The following LRBA variants were observed in gnomAD, a reference collection of about 807,000 sequenced individuals.
The protein encoded by LRBA is lipopolysaccharide-responsive and beige-like anchor protein.
In LRBA, 176 loss-of-function variants were observed where a neutral mutation model predicts 330.0. That is an observed-to-expected ratio of 0.53 (90% CI 0.47 to 0.60). The LOEUF is 0.60. LRBA is among the 20% of genes least tolerant of loss of function. The pLI, the probability that LRBA is intolerant of heterozygous loss-of-function variation, is 0.00. For synonymous variants in LRBA, 1,230 were observed against 1,193.0 expected (o/e 1.03, Z -0.64); for missense variants, 3,259 against 3,444.8 (o/e 0.95, Z 1.35).
chr4:150,859,339 T>C (rs1751612552), intron 22 of LRBA, among the ~76,000 whole-genome samples: 1 of 152,220 alleles, frequency 6.6e-6, no homozygotes, highest in Non-Finnish European at 1.5e-5. Context: ...AGAATGTGTT[T>C]ACAAAATTCT....
chr4:150,642,155 C>T (rs1475797135), intron 37 of LRBA, among the ~76,000 whole-genome samples: 2 of 151,848 alleles, frequency 1.3e-5, no homozygotes, highest in African/African-American at 4.8e-5. Flanking sequence ...ACTTTTGCAT[C>T]AAGACACACC....
At chr4:150,665,085 G>T (rs2126841395) in intron 37 of LRBA, among the ~76,000 whole-genome samples, 1 of 152,150 alleles carries the variant, frequency 6.6e-6, no homozygotes, top group Admixed American at 6.5e-5. Context: ...AGAGAAACCA[G>T]GTACAAGCTT....
intron 36 of LRBA, among the ~76,000 whole-genome samples, chr4:150,730,280 TAACTC>T (rs1447230443): frequency 1.3e-5 from 2 of 152,056 alleles, no homozygotes; most frequent in African/African-American, 4.8e-5. Flanking sequence ...AATATGTAAA[TAACTC>T]AAACAACTGT....
At chr4:150,717,055 T>C (rs1728293925) in intron 36 of LRBA, among the ~76,000 whole-genome samples, 1 of 152,170 alleles carries the variant, frequency 6.6e-6, no homozygotes, top group Non-Finnish European at 1.5e-5. Flanking sequence ...AGCAAAGAGA[T>C]CACCAGTTTA....
intron 37 of LRBA, among the ~76,000 whole-genome samples, chr4:150,639,552 G>T (rs13147825): frequency 0.73 from 93,128 of 127,684 alleles, 39,131 homozygotes; most frequent in Non-Finnish European, 0.91. Flanking sequence ...TGTCACAAAT[G>T]ACTGAGTGCT....
chr4:150,271,341 G>A (rs1029130028), intron 56 of LRBA, among the ~76,000 whole-genome samples: 1 of 151,558 alleles, frequency 6.6e-6, no homozygotes, highest in Non-Finnish European at 1.5e-5. Flanking sequence ...TACCCCAGTG[G>A]TGCCTGGAAT....
At chr4:150,393,398 C>T (rs1173957954) in intron 47 of LRBA, among the ~76,000 whole-genome samples, 1 of 151,702 alleles carries the variant, frequency 6.6e-6, no homozygotes. Flanking sequence ...CTTTCTCCCC[C>T]CCACCTCTAC....
intron 42 of LRBA, among the ~76,000 whole-genome samples, chr4:150,482,265 T>G (rs1757379087): frequency 6.6e-6 from 1 of 152,122 alleles, no homozygotes; most frequent in Non-Finnish European, 1.5e-5. Context: ...TTTTCCAGAA[T>G]GTCATATAAA....
intron 52 of LRBA, among the ~76,000 whole-genome samples, chr4:150,305,275 G>A (rs1252392290): frequency 6.6e-6 from 1 of 152,180 alleles, no homozygotes; most frequent in African/African-American, 2.4e-5. Flanking sequence ...TAGGGGCAGA[G>A]TTTTACAAGA....
chr4:150,954,161 G>T (rs933062819), intron 2 of LRBA, among the ~76,000 whole-genome samples: 5 of 144,706 alleles, frequency 3.5e-5, no homozygotes, highest in Non-Finnish European at 7.5e-5. Context: ...GGCAGCCCCC[G>T]CCCGGCCAGC....
chr4:150,828,134 G>T (rs750239742), intron 30 of LRBA, 46 bp downstream of exon 30: 17 of 1,561,480 alleles, frequency 1.1e-5, no homozygotes, highest in Admixed American at 3.5e-5. Context: ...TGTTGTTCAA[G>T]GGTCAGATGT....
chr4:150,320,860 G>A (rs1030988367), intron 50 of LRBA, among the ~76,000 whole-genome samples: 2 of 151,776 alleles, frequency 1.3e-5, no homozygotes, highest in African/African-American at 4.8e-5. Context: ...TAAAATGAAA[G>A]TAAAAAAGAG....
intron 46 of LRBA, chr4:150,422,803 G>C (rs1488085194): frequency 6.8e-7 from 1 of 1,469,190 alleles, no homozygotes; most frequent in African/African-American, 1.4e-5. Context: ...TGCATGTGCT[G>C]CGGTTTGCCC....
chr4:150,906,630 G>C (rs966693606), intron 11 of LRBA, among the ~76,000 whole-genome samples: 1 of 152,076 alleles, frequency 6.6e-6, no homozygotes, highest in Non-Finnish European at 1.5e-5. Context: ...CAAACACATT[G>C]ATAGGTGAAT....
At chr4:150,517,684 A>G (rs1459220599) in intron 40 of LRBA, among the ~76,000 whole-genome samples, 1 of 152,192 alleles carries the variant, frequency 6.6e-6, no homozygotes. Context: ...TATATTCACA[A>G]ACATATAAAA....
rs900611858 is a variant in LRBA, at chr4:150,693,432, C to T, written c.5755-9715G>A. On this transcript the variant is annotated intron_variant, in intron 36 of 56. Transcript: ENST00000651943. ...CAAAAAAATTAGCCGGGCGTAGTGG[C>T]GGGCGCCTGTAGTCCCAGCTACTTG... Among the ~76,000 whole-genome samples, 9 of 149,828 alleles carry T rather than the reference C, an allele frequency of 6.0e-5. No individual in the cohort carries two copies. The East Asian group carries it at 1.4e-3, about 23-fold the overall frequency.
chr4:150,373,520 C>G lies in LRBA; in HGVS notation c.7195-23361G>C, dbSNP rs181919918. On this transcript the variant is annotated intron_variant, in intron 47 of 56. Transcript: ENST00000651943. ...TTGGTGAATCCCATGATCTAATTTT[C>G]TGGCTTCTACATATGGGCTGCCATA... 5.4e-3 allele frequency among the ~76,000 whole-genome samples: 826 copies of G among 152,258 alleles called. 6 individuals carry two copies. The highest frequency in any genetic ancestry group is 0.012 in the South Asian group (56 of 4,828).
At chr4:150,354,713 C>T (rs192746710) in intron 47 of LRBA, among the ~76,000 whole-genome samples, 23 of 151,694 alleles carry the variant, frequency 1.5e-4, no homozygotes, top group Middle Eastern at 3.4e-3. Flanking sequence ...ACTGTCTTGG[C>T]GCTGATATCT....
At chr4:150,401,302 G>A (rs1581209587) in intron 47 of LRBA, among the ~76,000 whole-genome samples, 1 of 152,224 alleles carries the variant, frequency 6.6e-6, no homozygotes. Flanking sequence ...CAGTTTGTGG[G>A]ACAGTAATTA....
Sources: allele counts gnomAD v4.1 joint callset (sites outside exome capture counted in the v4.1 genomes callset), GRCh38; gene constraint gnomAD v4.1.1; transcripts MANE v1.5; gene names NCBI Gene and HGNC (gene_info 2026-07-23, HGNC 2026-07-21).